KATNBL1: variants seen among roughly 807,000 people sequenced by gnomAD.
KATNBL1 encodes katanin regulatory subunit B1 like 1.
In KATNBL1, 28 loss-of-function variants were observed where a neutral mutation model predicts 44.7. The observed-to-expected ratio is 0.63, with a 90% CI of 0.46 to 0.86. The LOEUF (loss-of-function observed/expected upper bound fraction) is 0.86, where lower values mean the gene tolerates loss of function less well. Among genes scored for constraint, KATNBL1 ranks in the 40% least tolerant of loss-of-function variants. The pLI, the probability that KATNBL1 is intolerant of heterozygous loss-of-function variation, is 0.00. For missense variants in KATNBL1, 272 were observed against 350.7 expected, an observed-to-expected ratio of 0.78 and a Z score of 1.79; for synonymous variants, 78 against 114.9, an observed-to-expected ratio of 0.68 and a Z score of 2.06.
intron 1 of KATNBL1, among the ~76,000 whole-genome samples, chr15:34,181,870 C>CATATATATATATCCATATATATATAT (rs1555529430): frequency 1.4e-5 from 1 of 73,102 alleles, no homozygotes; most frequent in Non-Finnish European, 2.7e-5. Context: ...TATATATATC[C>CATATATATATATCCATATATATATAT]ATATATATAT....
chr15:34,186,829 G>A (rs1394503620), intron 1 of KATNBL1, among the ~76,000 whole-genome samples: 1 of 152,220 alleles, frequency 6.6e-6, no homozygotes, highest in Non-Finnish European at 1.5e-5. Flanking sequence ...ATGGAAGGGG[G>A]CAGGGTCCCC....
At chr15:34,193,229 A>C (rs866403482) in intron 1 of KATNBL1, among the ~76,000 whole-genome samples, 8 of 127,826 alleles carry the variant, frequency 6.3e-5, no homozygotes, top group South Asian at 2.6e-4. Context: ...AAAAAAAAAA[A>C]AAAAAACAAA....
At chr15:34,180,606 T>C (rs1889489647) in intron 1 of KATNBL1, among the ~76,000 whole-genome samples, 1 of 152,230 alleles carries the variant, frequency 6.6e-6, no homozygotes, top group South Asian at 2.1e-4. Context: ...CAGCCACTGC[T>C]AGGTCCAAGT....
intron 1 of KATNBL1, among the ~76,000 whole-genome samples, chr15:34,195,690 C>CAAAAAAAAAA (rs5811824): frequency 7.2e-5 from 8 of 111,440 alleles, no homozygotes; most frequent in African/African-American, 2.9e-4. Flanking sequence ...GACGCCATCT[C>CAAAAAAAAAA]AAAAAAAAAA....
chr15:34,164,520 GAA>G (rs10648450), intron 1 of KATNBL1, among the ~76,000 whole-genome samples: 2 of 144,156 alleles, frequency 1.4e-5, no homozygotes, highest in African/African-American at 2.5e-5. Flanking sequence ...CTCTACCTTT[GAA>G]AAAAAAAAAA....
intron 1 of KATNBL1, among the ~76,000 whole-genome samples, chr15:34,190,745 C>T (rs1198473436): frequency 1.3e-5 from 2 of 152,078 alleles, no homozygotes; most frequent in Non-Finnish European, 1.5e-5. Flanking sequence ...TATGATACAA[C>T]AGGAAATATT....
At chr15:34,157,974 T>G (rs1172265968) in intron 2 of KATNBL1, among the ~76,000 whole-genome samples, 2 of 152,200 alleles carry the variant, frequency 1.3e-5, no homozygotes, top group African/African-American at 4.8e-5. Context: ...GGAAATAGCT[T>G]CTACCCAATG....
At chr15:34,151,073 G>T (rs943485469) in intron 4 of KATNBL1, among the ~76,000 whole-genome samples, 1 of 152,108 alleles carries the variant, frequency 6.6e-6, no homozygotes, top group Non-Finnish European at 1.5e-5. Context: ...ATGAACATAC[G>T]CATACATGTG....
intron 2 of KATNBL1, among the ~76,000 whole-genome samples, chr15:34,160,518 T>C (rs1049054500): frequency 1.3e-5 from 2 of 152,236 alleles, no homozygotes; most frequent in African/African-American, 4.8e-5. Context: ...ATTTGCTCTT[T>C]GAGTCTTTTT....
chr15:34,204,332 G>A (rs1185153520), intron 1 of KATNBL1, among the ~76,000 whole-genome samples: 1 of 152,130 alleles, frequency 6.6e-6, no homozygotes, highest in Non-Finnish European at 1.5e-5. Flanking sequence ...CCACTAAGTG[G>A]TTACTTGCAA....
At chr15:34,199,305 C>T (rs1040944720) in intron 1 of KATNBL1, among the ~76,000 whole-genome samples, 4 of 152,104 alleles carry the variant, frequency 2.6e-5, no homozygotes, top group African/African-American at 9.7e-5. Flanking sequence ...GGTGTGGTGG[C>T]ATGAGCCTCG....
At chr15:34,209,860 G>T (rs1890389342) in intron 1 of KATNBL1, 91 bp downstream of exon 1, 1 of 151,018 alleles carries the variant, frequency 6.6e-6, no homozygotes, top group African/African-American at 2.4e-5. Flanking sequence ...CTGCAGGTGG[G>T]CCCAGGGCGC....
At chr15:34,208,296 C>T (rs1012380173) in intron 1 of KATNBL1, among the ~76,000 whole-genome samples, 2 of 152,130 alleles carry the variant, frequency 1.3e-5, no homozygotes, top group Admixed American at 6.5e-5. Context: ...GTCATTCTTG[C>T]GGCACATTTC....
At chr15:34,143,478 C>T (rs572190530) in intron 9 of KATNBL1, among the ~76,000 whole-genome samples, 6 of 149,408 alleles carry the variant, frequency 4.0e-5, no homozygotes, top group Non-Finnish European at 7.4e-5. Context: ...ACAAAAACAA[C>T]AAAAAAAATT....
chr15:34,205,480 C>T (rs1271817981), intron 1 of KATNBL1, among the ~76,000 whole-genome samples: 3 of 152,142 alleles, frequency 2.0e-5, no homozygotes, highest in Non-Finnish European at 4.4e-5. Context: ...AAATGTCAAG[C>T]TGGCACTTAA....
chr15:34,164,087 T>C lies in KATNBL1; in HGVS notation c.-14-397A>G, dbSNP rs549455524. Among the ~76,000 whole-genome samples, 15 of 152,290 alleles carry C rather than the reference T, an allele frequency of 9.8e-5. No homozygotes were observed. In the East Asian group the frequency reaches 2.9e-3, roughly 29 times the overall value. On this transcript the variant is annotated intron_variant, in intron 1 of 9. Transcript: ENST00000256544. ...TTATATTTTTTCAGTAGAGACGGGG[T>C]TTCACCATGTTGTTCAGGCTGATCT...
At chr15:34,153,637 CT>C (rs1198180026) in intron 3 of KATNBL1, among the ~76,000 whole-genome samples, 1 of 151,776 alleles carries the variant, frequency 6.6e-6, no homozygotes, top group Non-Finnish European at 1.5e-5. Context: ...GTGGCACAAT[CT>C]CAGCTCACTG....
intron 1 of KATNBL1, among the ~76,000 whole-genome samples, chr15:34,183,670 A>C (rs956736820): frequency 1.1e-4 from 16 of 152,254 alleles, no homozygotes; most frequent in African/African-American, 3.4e-4. Context: ...AGAAAGGGGA[A>C]TAAATAAGTT....
intron 1 of KATNBL1, chr15:34,208,612 T>C (rs982333201): frequency 6.6e-6 from 1 of 152,192 alleles, no homozygotes; most frequent in African/African-American, 2.4e-5. Context: ...GGAAAGGATA[T>C]AAAGGAATTG....
Sources: gnomAD v4.1 joint callset for allele counts (sites outside exome capture counted in the v4.1 genomes callset) on GRCh38, gnomAD v4.1.1 for gene constraint, MANE v1.5 for transcripts, NCBI Gene and HGNC (gene_info 2026-07-23, HGNC 2026-07-21) for gene names.